TFAP2D: variants seen among roughly 807,000 people sequenced by gnomAD.
TFAP2D encodes the protein transcription factor AP-2 delta.
A neutral mutation model predicts 43.6 loss-of-function variants in TFAP2D; 9 were observed. That is an observed-to-expected ratio of 0.21 (90% CI 0.12 to 0.36). TFAP2D has a LOEUF of 0.36. Among genes scored for constraint, TFAP2D ranks in the 10% least tolerant of loss-of-function variants. TFAP2D has a pLI of 1.00. For synonymous variants in TFAP2D, 256 were observed against 224.9 expected (o/e 1.14, Z -1.24); for missense variants, 513 against 561.4 (o/e 0.91, Z 0.87).
chr6:50,724,189 C>T (rs1046107090), intron 3 of TFAP2D, among the ~76,000 whole-genome samples: 1 of 151,902 alleles, frequency 6.6e-6, no homozygotes, highest in Admixed American at 6.6e-5. Flanking sequence ...ATAATTCTCC[C>T]CACCCAACTC....
chr6:50,747,885 G>T lies in TFAP2D; in HGVS notation c.1025+2637G>T, dbSNP rs145994005. On this transcript the variant is annotated intron_variant, in intron 6 of 7. Coordinates refer to ENST00000008391, the MANE Select transcript of TFAP2D (RefSeq NM_172238.4). Reference sequence around the variant, plus strand: ...TATTTTAGGTGATATTTTGAACTTTGATTTCATTAAACATTGTGAGAACAT... The same window carrying T: ...TATTTTAGGTGATATTTTGAACTTTTATTTCATTAAACATTGTGAGAACAT... Among the ~76,000 whole-genome samples the T allele has an allele frequency of 3.6e-3, 552 of 152,074 alleles. 23 individuals are homozygous for T. Among genetic ancestry groups the T allele is most frequent in the Admixed American group, 0.031 (473 of 15,240 alleles).
intron 7 of TFAP2D, among the ~76,000 whole-genome samples, chr6:50,763,353 T>C (rs2113893218): frequency 6.6e-6 from 1 of 152,256 alleles, no homozygotes; most frequent in Non-Finnish European, 1.5e-5. Flanking sequence ...ATCCACACTT[T>C]GGGTGTCATT....
At chr6:50,734,759 C>T (rs1456452138) in intron 5 of TFAP2D, among the ~76,000 whole-genome samples, 2 of 152,070 alleles carry the variant, frequency 1.3e-5, no homozygotes, top group African/African-American at 2.4e-5. Flanking sequence ...TCTAGCTTGG[C>T]AGAGTCTTCT....
Position 50,764,600 on chromosome 6 carries a change from G to A in TFAP2D, c.1140-8045G>A, listed in dbSNP as rs958675725. On this transcript the variant is annotated intron_variant, in intron 7 of 7. Coordinates refer to ENST00000008391, the MANE Select transcript of TFAP2D (RefSeq NM_172238.4). ...AATTAGTATTGTAATTAAAATAAAC[G>A]TAAATAAAACTGTTTAAGGAAAAAA... Among the ~76,000 whole-genome samples the A allele has an allele frequency of 7.9e-4, 120 of 152,126 alleles. 1 individual carries two copies. The highest frequency in any genetic ancestry group is 2.5e-3 in the African/African-American group (103 of 41,542).
At chr6:50,731,785 G>C (rs1301762149) in intron 5 of TFAP2D, among the ~76,000 whole-genome samples, 1 of 151,974 alleles carries the variant, frequency 6.6e-6, no homozygotes, top group African/African-American at 2.4e-5. Context: ...TGGGTTGGTG[G>C]TAACAGCTGA....
Position 50,732,158 on chromosome 6 carries a change from T to A in TFAP2D, c.883+2846T>A, listed in dbSNP as rs553731665. 3.5e-4 allele frequency among the ~76,000 whole-genome samples: 53 copies of A among 152,204 alleles called. No individual in the cohort carries two copies. In the Middle Eastern group the frequency reaches 0.014, roughly 39 times the overall value. ...TATTTTCAAAAATTCAAAAACTAGATTTTTAGTATCTAAAACAGGCCATTG... is the reference window on the plus strand; with the variant it reads ...TATTTTCAAAAATTCAAAAACTAGAATTTTAGTATCTAAAACAGGCCATTG... On this transcript the variant is annotated intron_variant, in intron 5 of 7. Transcript: ENST00000008391.
chr6:50,765,950 C>T (rs1229100537), intron 7 of TFAP2D, among the ~76,000 whole-genome samples: 18 of 152,098 alleles, frequency 1.2e-4, no homozygotes, highest in Admixed American at 1.1e-3. Context: ...AGACCAATGC[C>T]AAAAATATTT....
At chr6:50,758,536 C>T (rs1387641577) in intron 7 of TFAP2D, among the ~76,000 whole-genome samples, 1 of 151,962 alleles carries the variant, frequency 6.6e-6, no homozygotes, top group Non-Finnish European at 1.5e-5. Flanking sequence ...CCATTTCCTT[C>T]AGGGTTCCAC....
intron 5 of TFAP2D, among the ~76,000 whole-genome samples, chr6:50,735,588 C>A (rs1768951468): frequency 6.6e-6 from 1 of 152,040 alleles, no homozygotes; most frequent in Admixed American, 6.6e-5. Context: ...CAATAGTATC[C>A]ATTGTACTTT....
rs1158369724 is a variant in TFAP2D at position 50,713,831 on chromosome 6, G to C, written c.-225G>C. On this transcript the variant is annotated 5_prime_UTR_variant, in exon 1 of 8. Coordinates refer to ENST00000008391, the MANE Select transcript of TFAP2D (RefSeq NM_172238.4). ...CAGCAAGTACAAAATCTGTTCCAGG[G>C]AGCTGCTTTTGTGCAGAGGGAAAAT... is the stretch of plus-strand genomic sequence containing the variant. 1.6e-6 allele frequency: 1 copy of C among 611,042 alleles called. No individual in the cohort carries two copies. The highest frequency in any genetic ancestry group is 1.9e-5 in the African/African-American group (1 of 53,632). The allele number at this position is 611,042 out of a possible 1,614,324, so 37.9% of individuals were successfully genotyped here.
At chr6:50,748,762 TG>T (rs1250178232) in intron 6 of TFAP2D, among the ~76,000 whole-genome samples, 3 of 152,066 alleles carry the variant, frequency 2.0e-5, no homozygotes, top group African/African-American at 7.2e-5. Context: ...GTCTAACATT[TG>T]ATCTGCATTA....
In TFAP2D at chr6:50,752,571, T is replaced by C. The variant is rs185411761; in HGVS notation, c.1139+1247T>C. On this transcript the variant is annotated intron_variant, in intron 7 of 7. Coordinates refer to ENST00000008391, the MANE Select transcript of TFAP2D (RefSeq NM_172238.4). The stretch of plus-strand genomic sequence containing the variant: ...ACAAGTGTTTAAATAAGTTGAAATT[T>C]AGGCTGCAACATCAGAGACTGTTAA... Among the ~76,000 whole-genome samples the C allele has an allele frequency of 1.4e-3, 216 of 152,066 alleles. 1 individual carries two copies. The highest frequency in any genetic ancestry group is 3.4e-3 in the Middle Eastern group (1 of 294).
intron 5 of TFAP2D, among the ~76,000 whole-genome samples, chr6:50,734,072 G>A (rs191984306): frequency 3.4e-4 from 51 of 151,560 alleles, no homozygotes; most frequent in Middle Eastern, 3.4e-3. Context: ...AAAAGAAAGG[G>A]AACCAGTTCC....
chr6:50,723,669 C>G (rs1312145974), intron 3 of TFAP2D, among the ~76,000 whole-genome samples: 2 of 152,166 alleles, frequency 1.3e-5, no homozygotes, highest in East Asian at 1.9e-4. Context: ...CATCCAGAAG[C>G]ATGATTTGTT....
chr6:50,745,851 A>G (rs1178051996), intron 6 of TFAP2D, among the ~76,000 whole-genome samples: 2 of 152,166 alleles, frequency 1.3e-5, no homozygotes, highest in African/African-American at 4.8e-5. Flanking sequence ...ATTAAAATGC[A>G]AATTAAAATA....
At chr6:50,730,117 G>T (rs1768864761) in intron 5 of TFAP2D, among the ~76,000 whole-genome samples, 1 of 152,040 alleles carries the variant, frequency 6.6e-6, no homozygotes, top group Admixed American at 6.6e-5. Flanking sequence ...GCCTCACCTT[G>T]AACACACCTG....
intron 7 of TFAP2D, among the ~76,000 whole-genome samples, chr6:50,767,600 C>T (rs1426874336): frequency 2.0e-5 from 3 of 152,152 alleles, no homozygotes; most frequent in Non-Finnish European, 4.4e-5. Context: ...AAGTAACACA[C>T]CTGTTTTTCA....
intron 7 of TFAP2D, among the ~76,000 whole-genome samples, chr6:50,758,194 T>C (rs973929979): frequency 2.0e-5 from 3 of 151,914 alleles, no homozygotes; most frequent in African/African-American, 7.2e-5. Flanking sequence ...AAGGAATGTA[T>C]AGACAGTCCC....
At chr6:50,717,492 T>C (rs1367427754) in intron 2 of TFAP2D, among the ~76,000 whole-genome samples, 1 of 152,254 alleles carries the variant, frequency 6.6e-6, no homozygotes, top group African/African-American at 2.4e-5. Context: ...ACATTTCAGA[T>C]ATTTTGAAAG....
Sources: gnomAD v4.1 joint callset for allele counts (sites outside exome capture counted in the v4.1 genomes callset) on GRCh38, gnomAD v4.1.1 for gene constraint, MANE v1.5 for transcripts, NCBI Gene and HGNC (gene_info 2026-07-23, HGNC 2026-07-21) for gene names.